Variants in FLNB observed in about 807,000 individuals in gnomAD.
The protein encoded by FLNB is filamin-B.
FLNB carries 111 observed loss-of-function variants against 250.6 expected under a neutral mutation model. That is an observed-to-expected ratio of 0.44 (90% CI 0.38 to 0.52). FLNB has a LOEUF of 0.52. Ranked by LOEUF, FLNB falls within the 20% of genes least tolerant of loss-of-function variation. FLNB has a pLI of 0.00. For synonymous variants in FLNB, 1,302 were observed against 1,372.1 expected (o/e 0.95, Z 1.13); for missense variants, 2,869 against 3,447.8 (o/e 0.83, Z 4.20).
chr3:58,081,594 G>A, intron 3 of FLNB, 35 bp from the exon 4 acceptor site: 2 of 1,609,834 alleles, frequency 1.2e-6, no homozygotes, highest in Middle Eastern at 3.7e-4. Context: ...AAAGTGATGT[G>A]TTCTGGGTGT....
At chr3:58,125,546 T>A in intron 22 of FLNB, 35 bp from the exon 23 acceptor site, 1 of 1,611,640 alleles carries the variant, frequency 6.2e-7, no homozygotes, top group African/African-American at 1.3e-5. Flanking sequence ...GGGATTTGTA[T>A]GCAAATATGC....
intron 1 of FLNB, among the ~76,000 whole-genome samples, chr3:58,062,675 A>G (rs1247907155): frequency 6.6e-6 from 1 of 152,194 alleles, no homozygotes; most frequent in Non-Finnish European, 1.5e-5. Context: ...ACTAGAGCAC[A>G]CTGCCAGTTC....
intron 32 of FLNB, among the ~76,000 whole-genome samples, chr3:58,144,252 G>C (rs1186968381): frequency 2.0e-5 from 3 of 151,996 alleles, no homozygotes; most frequent in Admixed American, 2.0e-4. Context: ...AGAGTTTCAG[G>C]GTTTTATTTT....
At chr3:58,113,563 C>T (rs1367878878) in intron 18 of FLNB, among the ~76,000 whole-genome samples, 3 of 152,206 alleles carry the variant, frequency 2.0e-5, no homozygotes, top group Non-Finnish European at 4.4e-5. Flanking sequence ...ACTGTGAGAA[C>T]ATCCCTGCAG....
At chr3:58,104,817 G>A (rs1476417043) in intron 10 of FLNB, among the ~76,000 whole-genome samples, 8 of 152,176 alleles carry the variant, frequency 5.3e-5, no homozygotes. Flanking sequence ...TAAAGGGCCA[G>A]GAGGCTGGTG....
intron 43 of FLNB, chr3:58,165,238 C>G (rs957083729): frequency 2.0e-5 from 3 of 152,434 alleles, no homozygotes; most frequent in Non-Finnish European, 4.4e-5. Flanking sequence ...TCTCCCATTT[C>G]CTTTTGGCTG....
intron 18 of FLNB, among the ~76,000 whole-genome samples, chr3:58,114,109 C>T (rs746168775): frequency 3.3e-5 from 5 of 151,974 alleles, no homozygotes; most frequent in Non-Finnish European, 5.9e-5. Context: ...CTTCTCTCTT[C>T]GTCTGTTTTT....
At chr3:58,131,613 A>G (rs1285604010) in intron 25 of FLNB, among the ~76,000 whole-genome samples, 2 of 152,144 alleles carry the variant, frequency 1.3e-5, no homozygotes. Flanking sequence ...CTCGCCAATG[A>G]TATGTTCTTG....
intron 12 of FLNB, 44 bp downstream of exon 12, chr3:58,106,917 G>C (rs2097260671): frequency 6.4e-7 from 1 of 1,558,366 alleles, no homozygotes; most frequent in East Asian, 2.2e-5. Flanking sequence ...CCTGGCCCCT[G>C]GTTCCTCACC....
At chr3:58,069,072 G>C (rs997120759) in intron 1 of FLNB, among the ~76,000 whole-genome samples, 2 of 151,232 alleles carry the variant, frequency 1.3e-5, no homozygotes, top group African/African-American at 4.9e-5. Context: ...GAGCCCAGGA[G>C]GCGGATGTTG....
At chr3:58,023,245 C>T (rs908786288) in intron 1 of FLNB, among the ~76,000 whole-genome samples, 6 of 151,538 alleles carry the variant, frequency 4.0e-5, no homozygotes, top group Non-Finnish European at 8.8e-5. Context: ...ACTACAGGCA[C>T]GTGCCACCAT....
At chr3:58,133,857 A>G (rs1559719085) in intron 26 of FLNB, among the ~76,000 whole-genome samples, 1 of 152,218 alleles carries the variant, frequency 6.6e-6, no homozygotes, top group Non-Finnish European at 1.5e-5. Context: ...TTGCTTTACT[A>G]ATATACCATG....
At chr3:58,037,766 G>A (rs1343194991) in intron 1 of FLNB, among the ~76,000 whole-genome samples, 2 of 152,030 alleles carry the variant, frequency 1.3e-5, no homozygotes, top group African/African-American at 2.4e-5. Context: ...GTATTATTTT[G>A]TGAATGTTTT....
chr3:58,078,427 T>C (rs2097204587), intron 2 of FLNB: 2 of 1,535,276 alleles, frequency 1.3e-6, no homozygotes, highest in Non-Finnish European at 1.7e-6. Flanking sequence ...CCAGGCTTTT[T>C]CCAAGCTTTG....
intron 1 of FLNB, among the ~76,000 whole-genome samples, chr3:58,014,273 G>A (rs550586389): frequency 4.6e-5 from 7 of 152,328 alleles, no homozygotes; most frequent in African/African-American, 1.7e-4. Flanking sequence ...GCTATGGACT[G>A]CCTAGAGGGT....
At position 58,106,675 on chromosome 3, in the gene FLNB, C is replaced by A. The variant is rs369919081; in HGVS notation, c.1748-5C>A. 4.3e-5 allele frequency: 70 copies of A among 1,613,970 alleles called. No homozygotes were observed. The South Asian group carries it at 6.5e-4, about 15-fold the overall frequency. ...CAGGGAGACCCTTCCACCTCCACCCCCTAGGGTTTGCCATTGAAGGCCCCT... is the reference window on the plus strand; with the variant it reads ...CAGGGAGACCCTTCCACCTCCACCCACTAGGGTTTGCCATTGAAGGCCCCT... On this transcript the variant is annotated splice_region_variant and splice_polypyrimidine_tract_variant and intron_variant, in intron 11 of 45. Transcript: ENST00000295956.
chr3:58,148,258 G>C lies in FLNB; in HGVS notation c.5781G>C (p.Leu1927=). The C allele has an allele frequency of 6.2e-7, 1 of 1,614,196 alleles. No homozygotes were observed. Among genetic ancestry groups the C allele is most frequent in the Non-Finnish European group, 8.5e-7 (1 of 1,180,038 alleles). ...QVKLGSAADF[L]LDISETDLSS... is the part of the protein sequence containing the mutation. ...AGTTGGGCTCAGCCGCTGACTTCCT[G>C]CTCGACATCAGTGAGACTGACCTCA... The change falls in exon 35 of 46, where the codon CTG becomes CTC. Residue 1927 remains leucine (L), a synonymous_variant. Transcript: ENST00000295956.
chr3:58,073,172 T>TTTATTTATTTAC (rs1185457129), intron 1 of FLNB, among the ~76,000 whole-genome samples: 3 of 151,938 alleles, frequency 2.0e-5, no homozygotes, highest in Admixed American at 1.3e-4. Flanking sequence ...TATTTATTTA[T>TTTATTTATTTAC]TTATTTACTT....
At chr3:58,094,798 C>G (rs184295638) in intron 4 of FLNB, 38 bp from the exon 5 acceptor site, 8 of 1,555,700 alleles carry the variant, frequency 5.1e-6, no homozygotes, top group Non-Finnish European at 7.1e-6. Context: ...GACACACCCT[C>G]GCCTGGCTTC....
Sources: gnomAD v4.1 joint callset for allele counts (sites outside exome capture counted in the v4.1 genomes callset) on GRCh38, gnomAD v4.1.1 for gene constraint, MANE v1.5 for transcripts, NCBI Gene and HGNC (gene_info 2026-07-23, HGNC 2026-07-21) for gene names.